The following ENOX1 variants were observed in gnomAD, a reference collection of about 807,000 sequenced individuals.
ENOX1 encodes the protein ecto-NOX disulfide-thiol exchanger 1.
A neutral mutation model predicts 82.5 loss-of-function variants in ENOX1; 42 were observed. The ratio of observed to expected loss-of-function variants is 0.51; its 90% confidence interval spans 0.40 to 0.66. The LOEUF (loss-of-function observed/expected upper bound fraction) is 0.66. Ranked by LOEUF, ENOX1 falls within the 30% of genes least tolerant of loss-of-function variation. The probability of loss-of-function intolerance (pLI) is 0.00; values close to 1 mark genes in which losing one functional copy is unlikely to be tolerated. For synonymous variants in ENOX1, 271 were observed against 282.2 expected, an observed-to-expected ratio of 0.96 and a Z score of 0.40; for missense variants, 608 against 811.6, an observed-to-expected ratio of 0.75 and a Z score of 3.05.
Position 43,361,465 on chromosome 13 carries a change from C to A in ENOX1, c.209-13G>T, listed in dbSNP as rs1391226914. 3.1e-6 allele frequency: 5 copies of A among 1,589,070 alleles called. No homozygotes were observed. Among genetic ancestry groups the A allele is most frequent in the Middle Eastern group, 1.7e-4 (1 of 6,018 alleles). On this transcript the variant is annotated splice_polypyrimidine_tract_variant and intron_variant, in intron 5 of 16. Coordinates refer to ENST00000690772, the MANE Select transcript of ENOX1 (RefSeq NM_001347969.2). The stretch of plus-strand genomic sequence containing the variant: ...ACACAGATTGAGTCTGTAAAGTATA[C>A]AAGATAACATTTTGACTGGAGATTA...
At chr13:43,637,034 G>T (rs553086356) in intron 2 of ENOX1, among the ~76,000 whole-genome samples, 207 of 152,278 alleles carry the variant, frequency 1.4e-3, no homozygotes, top group African/African-American at 4.8e-3. Flanking sequence ...AATCAGGATT[G>T]GTGAGATGAC....
chr13:43,447,753 A>G lies in ENOX1; in HGVS notation c.-74-34765T>C, dbSNP rs1309792118. Among the ~76,000 whole-genome samples the G allele has an allele frequency of 2.6e-5, 4 of 152,162 alleles. No homozygotes were observed. The South Asian group carries it at 6.2e-4, about 24-fold the overall frequency. ...GCTGATGGATTGGTGTAAGGCTAGT[A>G]GTTTTGAAGTTATATTTTGTATTTA... On this transcript the variant is annotated intron_variant, in intron 3 of 16. Coordinates refer to ENST00000690772, the MANE Select transcript of ENOX1 (RefSeq NM_001347969.2).
intron 1 of ENOX1, among the ~76,000 whole-genome samples, chr13:43,720,711 C>A (rs576348780): frequency 3.5e-4 from 53 of 152,298 alleles, no homozygotes; most frequent in African/African-American, 1.2e-3. Context: ...GGGGTATGCA[C>A]ATGTGTGTCC....
At chr13:43,755,969 C>G (rs1202623458) in intron 1 of ENOX1, among the ~76,000 whole-genome samples, 1 of 152,208 alleles carries the variant, frequency 6.6e-6, no homozygotes, top group South Asian at 2.1e-4. Flanking sequence ...AACTAAAAAT[C>G]AGAACACCAT....
rs150417214 is a variant in ENOX1 at position 43,489,880 on chromosome 13, T to A, written c.-218-5728A>T. Reference sequence around the variant, plus strand: ...TTACTTGGGACCTGTTACCCCTTTCTTCTTTGCTATTTCTCCCTTTTGGAA... The same window carrying A: ...TTACTTGGGACCTGTTACCCCTTTCATCTTTGCTATTTCTCCCTTTTGGAA... On this transcript the variant is annotated intron_variant, in intron 2 of 16. Coordinates refer to ENST00000690772, the MANE Select transcript of ENOX1 (RefSeq NM_001347969.2). Among the ~76,000 whole-genome samples, 482 of 152,316 alleles carry A rather than the reference T, an allele frequency of 3.2e-3. 2 individuals carry two copies. The highest frequency in any genetic ancestry group is 0.011 in the African/African-American group (439 of 41,568).
intron 1 of ENOX1, among the ~76,000 whole-genome samples, chr13:43,671,473 C>A (rs1170387825): frequency 3.3e-5 from 5 of 152,184 alleles, no homozygotes; most frequent in Non-Finnish European, 5.9e-5. Flanking sequence ...AACAAAAGTT[C>A]TCAAAAACTA....
At chr13:43,611,189 G>T (rs924623273) in intron 2 of ENOX1, among the ~76,000 whole-genome samples, 1 of 152,106 alleles carries the variant, frequency 6.6e-6, no homozygotes, top group African/African-American at 2.4e-5. Flanking sequence ...TACCACTGAT[G>T]TTCCAATGCA....
At chr13:43,361,087 G>A (rs1168567123) in intron 6 of ENOX1, among the ~76,000 whole-genome samples, 192 bp downstream of exon 6, 1 of 152,124 alleles carries the variant, frequency 6.6e-6, no homozygotes, top group Non-Finnish European at 1.5e-5. Flanking sequence ...TGTGGATTCA[G>A]CTTCTGGACA....
At chr13:43,519,385 A>C (rs1205372047) in intron 2 of ENOX1, among the ~76,000 whole-genome samples, 1 of 152,200 alleles carries the variant, frequency 6.6e-6, no homozygotes, top group East Asian at 1.9e-4. Context: ...CCTACTAATA[A>C]GAAACAAATT....
At chr13:43,306,750 T>A (rs1354535195) in intron 11 of ENOX1, among the ~76,000 whole-genome samples, 1 of 152,216 alleles carries the variant, frequency 6.6e-6, no homozygotes, top group South Asian at 2.1e-4. Context: ...TAACAAGTGG[T>A]CATTTCTAAT....
At chr13:43,549,984 A>T (rs2079122957) in intron 2 of ENOX1, among the ~76,000 whole-genome samples, 1 of 152,074 alleles carries the variant, frequency 6.6e-6, no homozygotes, top group Non-Finnish European at 1.5e-5. Context: ...CAGCAGGGGG[A>T]TGGTTTTGGG....
At chr13:43,243,135 C>CAAAAAAAA (rs748084568) in intron 14 of ENOX1, among the ~76,000 whole-genome samples, 1 of 81,556 alleles carries the variant, frequency 1.2e-5, no homozygotes, top group Non-Finnish European at 2.4e-5. Flanking sequence ...GACTCTGTCT[C>CAAAAAAAA]AAAAAAAAAA....
intron 2 of ENOX1, among the ~76,000 whole-genome samples, chr13:43,528,583 A>T (rs961978524): frequency 6.6e-6 from 1 of 152,076 alleles, no homozygotes; most frequent in African/African-American, 2.4e-5. Context: ...TTGTCCATTT[A>T]AAAAATTGTA....
Position 43,319,096 on chromosome 13 carries a change from T to A in ENOX1, c.1261+3288A>T, listed in dbSNP as rs867658795. Among the ~76,000 whole-genome samples the A allele has an allele frequency of 2.2e-4, 33 of 152,274 alleles. 1 individual carries two copies. In the South Asian group the frequency reaches 2.3e-3, roughly 11 times the overall value. On this transcript the variant is annotated intron_variant, in intron 11 of 16. Transcript: ENST00000690772. ...ATCTGGATTTTAAAGTCTGGCTTCATTTCAGTAGGAGGCAGACTAAACAAC... is the reference window on the plus strand; with the variant it reads ...ATCTGGATTTTAAAGTCTGGCTTCAATTCAGTAGGAGGCAGACTAAACAAC...
At chr13:43,637,803 A>G (rs2083470399) in intron 2 of ENOX1, among the ~76,000 whole-genome samples, 1 of 152,204 alleles carries the variant, frequency 6.6e-6, no homozygotes, top group South Asian at 2.1e-4. Flanking sequence ...TCCCTAACAA[A>G]TAATTTGAAA....
At chr13:43,428,795 G>A (rs1032720413) in intron 3 of ENOX1, among the ~76,000 whole-genome samples, 2 of 152,138 alleles carry the variant, frequency 1.3e-5, no homozygotes, top group African/African-American at 2.4e-5. Flanking sequence ...TTGGTGAGGC[G>A]GGTGGGGGGT....
intron 11 of ENOX1, among the ~76,000 whole-genome samples, chr13:43,306,791 G>A (rs750515450): frequency 3.3e-5 from 5 of 150,970 alleles, no homozygotes; most frequent in African/African-American, 4.9e-5. Context: ...CTTAAGAAGT[G>A]TATTTCCCCT....
At chr13:43,588,403 G>A (rs1404249966) in intron 2 of ENOX1, among the ~76,000 whole-genome samples, 2 of 152,086 alleles carry the variant, frequency 1.3e-5, no homozygotes, top group African/African-American at 2.4e-5. Flanking sequence ...ATCAGTAATC[G>A]TCATAACGCT....
intron 2 of ENOX1, among the ~76,000 whole-genome samples, chr13:43,626,921 T>C (rs1220712631): frequency 2.0e-5 from 3 of 151,944 alleles, no homozygotes; most frequent in African/African-American, 7.2e-5. Context: ...GATTTGCCTG[T>C]TTCTCCTTTC....
Sources: allele counts gnomAD v4.1 joint callset (sites outside exome capture counted in the v4.1 genomes callset), GRCh38; gene constraint gnomAD v4.1.1; transcripts MANE v1.5; gene names NCBI Gene and HGNC (gene_info 2026-07-23, HGNC 2026-07-21).